The following RBMS3 variants were observed in gnomAD, a reference collection of about 807,000 sequenced individuals.
RBMS3 encodes RNA binding motif single stranded interacting protein 3.
In RBMS3, 27 loss-of-function variants were observed where a neutral mutation model predicts 66.8. That is an observed-to-expected ratio of 0.40 (90% CI 0.30 to 0.56). The LOEUF (loss-of-function observed/expected upper bound fraction) is 0.56, where lower values mean the gene tolerates loss of function less well. Ranked by LOEUF, RBMS3 falls within the 20% of genes least tolerant of loss-of-function variation. RBMS3 has a pLI of 0.40. For missense variants in RBMS3, 513 were observed against 549.5 expected, an observed-to-expected ratio of 0.93 and a Z score of 0.66; for synonymous variants, 188 against 183.0, an observed-to-expected ratio of 1.03 and a Z score of -0.22.
chr3:29,352,023 G>A (rs918917088), intron 1 of RBMS3, among the ~76,000 whole-genome samples: 2 of 151,796 alleles, frequency 1.3e-5, no homozygotes, highest in East Asian at 1.9e-4. Context: ...ATTTGGTTGC[G>A]TCATTATGGA....
chr3:29,387,556 TC>T (rs2039063265), intron 1 of RBMS3, among the ~76,000 whole-genome samples: 1 of 152,136 alleles, frequency 6.6e-6, no homozygotes, highest in South Asian at 2.1e-4. Flanking sequence ...CCTGCTTATA[TC>T]CCTGCCTCCC....
intron 6 of RBMS3, among the ~76,000 whole-genome samples, chr3:29,825,328 T>C (rs2058183085): frequency 6.6e-6 from 1 of 152,096 alleles, no homozygotes; most frequent in South Asian, 2.1e-4. Flanking sequence ...TGAGCCACTG[T>C]GCCCAGCAGT....
chr3:29,511,852 C>T (rs1576066694), intron 3 of RBMS3, among the ~76,000 whole-genome samples: 1 of 152,142 alleles, frequency 6.6e-6, no homozygotes, highest in East Asian at 1.9e-4. Flanking sequence ...TAACTGAAAA[C>T]AGAAATTTCA....
chr3:29,347,551 A>G (rs2036650709), intron 1 of RBMS3, among the ~76,000 whole-genome samples: 2 of 152,148 alleles, frequency 1.3e-5, no homozygotes, highest in South Asian at 4.1e-4. Flanking sequence ...TGGGGGGAAA[A>G]TGGTCTATTG....
At chr3:29,722,115 G>A (rs2053666883) in intron 4 of RBMS3, among the ~76,000 whole-genome samples, 1 of 152,088 alleles carries the variant, frequency 6.6e-6, no homozygotes, top group Non-Finnish European at 1.5e-5. Context: ...TCTTTTATAA[G>A]GTAAAGCACT....
At chr3:29,950,219 G>C (rs1695588234) in intron 12 of RBMS3, among the ~76,000 whole-genome samples, 1 of 151,834 alleles carries the variant, frequency 6.6e-6, no homozygotes, top group African/African-American at 2.4e-5. Flanking sequence ...ACGACGCTTA[G>C]TGATGCAGCA....
chr3:29,292,003 T>C (rs1023706378), intron 1 of RBMS3, among the ~76,000 whole-genome samples: 1 of 151,780 alleles, frequency 6.6e-6, no homozygotes, highest in Non-Finnish European at 1.5e-5. Flanking sequence ...TAATTTTTTC[T>C]CTCTGTAGCC....
At chr3:29,296,114 A>T (rs17023201) in intron 1 of RBMS3, among the ~76,000 whole-genome samples, 3,179 of 151,876 alleles carry the variant, frequency 0.021, 113 homozygotes, top group African/African-American at 0.072. Flanking sequence ...ACACTATCAC[A>T]GATCCCAACA....
intron 1 of RBMS3, among the ~76,000 whole-genome samples, chr3:29,407,887 A>G (rs2040091386): frequency 6.6e-6 from 1 of 152,240 alleles, no homozygotes; most frequent in South Asian, 2.1e-4. Context: ...AATGAAAATA[A>G]CATTAGTAAA....
At position 29,295,198 on chromosome 3, in the gene RBMS3, TG is replaced by T. The variant is rs551392987; in HGVS notation, c.75+13443del. Among the ~76,000 whole-genome samples, 10 of 150,532 alleles carry T rather than the reference TG, an allele frequency of 6.6e-5. No individual in the cohort carries two copies. The South Asian group carries it at 1.3e-3, about 19-fold the overall frequency. ...TTTCCAAGTTGTGCTGAATCTCCTA[TG>T]TTTGTTCTGCAGTGTTCTCCTCTGT... is the stretch of plus-strand genomic sequence containing the variant. On this transcript the variant is annotated intron_variant, in intron 1 of 14. Coordinates refer to ENST00000383767, the MANE Select transcript of RBMS3 (RefSeq NM_001003793.3).
chr3:29,346,396 CT>C (rs34803214), intron 1 of RBMS3, among the ~76,000 whole-genome samples: 9,259 of 60,068 alleles, frequency 0.15, 122 homozygotes, highest in Admixed American at 0.17. Flanking sequence ...GCAATTCATT[CT>C]TTTTTTTTTT....
At chr3:29,381,483 T>G (rs1263836092) in intron 1 of RBMS3, among the ~76,000 whole-genome samples, 1 of 152,180 alleles carries the variant, frequency 6.6e-6, no homozygotes, top group African/African-American at 2.4e-5. Flanking sequence ...GTACTGTTAT[T>G]ATCCTGAAGT....
chr3:29,776,775 A>C (rs2056441505), intron 6 of RBMS3, among the ~76,000 whole-genome samples: 1 of 151,928 alleles, frequency 6.6e-6, no homozygotes, highest in South Asian at 2.1e-4. Flanking sequence ...CATGGGGTAT[A>C]TAAGGTACAC....
intron 4 of RBMS3, among the ~76,000 whole-genome samples, chr3:29,679,891 C>T (rs1427283114): frequency 1.3e-5 from 2 of 151,716 alleles, no homozygotes; most frequent in Non-Finnish European, 2.9e-5. Context: ...GTTTAAAATT[C>T]CCTTGTTTTA....
intron 1 of RBMS3, among the ~76,000 whole-genome samples, chr3:29,324,903 T>A (rs575598543): frequency 1.3e-5 from 2 of 152,308 alleles, no homozygotes; most frequent in East Asian, 3.9e-4. Context: ...CTGTTATTTT[T>A]TTTTCTAATT....
chr3:29,864,649 G>A (rs1010981378), intron 6 of RBMS3, among the ~76,000 whole-genome samples: 4 of 152,108 alleles, frequency 2.6e-5, no homozygotes, highest in African/African-American at 9.7e-5. Context: ...GGAAGTGGCT[G>A]ACAGAGATTC....
At chr3:29,788,202 A>ATTT (rs34037007) in intron 6 of RBMS3, among the ~76,000 whole-genome samples, 10,922 of 134,782 alleles carry the variant, frequency 0.081, 491 homozygotes, top group Middle Eastern at 0.13. Context: ...TTTGGAGTTC[A>ATTT]TTTTTTTTTT....
chr3:29,798,023 G>A (rs931882053), intron 6 of RBMS3, among the ~76,000 whole-genome samples: 2 of 151,684 alleles, frequency 1.3e-5, no homozygotes, highest in Admixed American at 6.6e-5. Flanking sequence ...GAGGCCTGAG[G>A]ACAAAGAAAG....
chr3:29,327,905 G>A (rs1259408063), intron 1 of RBMS3, among the ~76,000 whole-genome samples: 1 of 152,190 alleles, frequency 6.6e-6, no homozygotes, highest in African/African-American at 2.4e-5. Context: ...TAGAATGCTA[G>A]AATTTTTTGA....
Sources: allele counts gnomAD v4.1 joint callset (sites outside exome capture counted in the v4.1 genomes callset), GRCh38; gene constraint gnomAD v4.1.1; transcripts MANE v1.5; gene names NCBI Gene and HGNC (gene_info 2026-07-23, HGNC 2026-07-21).